The following UPF2 variants were observed in gnomAD, a reference collection of about 807,000 sequenced individuals.
UPF2 encodes the protein UPF2 regulator of nonsense mediated mRNA decay.
UPF2 carries 17 observed loss-of-function variants against 141.4 expected under a neutral mutation model. The ratio of observed to expected loss-of-function variants is 0.12; its 90% CI spans 0.08 to 0.18. The LOEUF (loss-of-function observed/expected upper bound fraction) is 0.18, where lower values mean the gene tolerates loss of function less well. Ranked by LOEUF, UPF2 falls within the 10% of genes least tolerant of loss-of-function variation. The probability of loss-of-function intolerance (pLI) is 1.00; values close to 1 mark genes in which losing one functional copy is unlikely to be tolerated. For missense variants in UPF2, 1,152 were observed against 1,515.9 expected (o/e 0.76, Z 3.99); for synonymous variants, 540 against 498.0 (o/e 1.08, Z -1.12).
intron 8 of UPF2, among the ~76,000 whole-genome samples, chr10:11,996,270 A>T (rs947467274): frequency 6.6e-6 from 1 of 152,180 alleles, no homozygotes. Context: ...GCAAGTATAT[A>T]AGACTACGAG....
rs1379494624 is a variant in UPF2 at position 11,940,982 on chromosome 10, C to T, written c.3378+1683G>A. Reference sequence around the variant, plus strand: ...ACTTTGCCCTGTTTGAAATTCATGACCTCAGAGACTTCTTCCCCACTATCC... The same window carrying T: ...ACTTTGCCCTGTTTGAAATTCATGATCTCAGAGACTTCTTCCCCACTATCC... On this transcript the variant is annotated intron_variant, in intron 18 of 21. Coordinates refer to ENST00000357604, the MANE Select transcript of UPF2 (RefSeq NM_015542.4). This position sits in a 1 kb window ranked among gnomAD's most constrained non-coding sequence, Gnocchi z 4.2. Among the ~76,000 whole-genome samples the T allele has an allele frequency of 6.6e-6, 1 of 152,138 alleles. No homozygotes were observed. Among genetic ancestry groups the T allele is most frequent in the Non-Finnish European group, 1.5e-5 (1 of 68,022 alleles).
intron 4 of UPF2, among the ~76,000 whole-genome samples, chr10:12,005,051 T>C (rs1316310001): frequency 2.6e-5 from 4 of 151,698 alleles, no homozygotes; most frequent in African/African-American, 7.3e-5. Flanking sequence ...AAAAATAAAA[T>C]ATATAAGCCT....
Position 12,007,947 on chromosome 10 carries a change from A to G in UPF2, c.1307-3220T>C, listed in dbSNP as rs576919061. On this transcript the variant is annotated intron_variant, in intron 4 of 21. Transcript: ENST00000357604. Reference sequence around the variant, plus strand: ...GCTCTGTCACCCAGGCTGGAGTGCAATCTCAGCTCACTGCAACCTCTGCCT... The same window carrying G: ...GCTCTGTCACCCAGGCTGGAGTGCAGTCTCAGCTCACTGCAACCTCTGCCT... 1.1e-4 allele frequency among the ~76,000 whole-genome samples: 17 copies of G among 150,998 alleles called. No individual in the cohort carries two copies. The South Asian group carries it at 3.4e-3, about 30-fold the overall frequency.
chr10:11,989,023 A>G (rs1481823302), intron 8 of UPF2, among the ~76,000 whole-genome samples: 1 of 152,210 alleles, frequency 6.6e-6, no homozygotes, highest in Non-Finnish European at 1.5e-5. Context: ...TAGGGTAGAA[A>G]TGCACCTGGA....
intron 9 of UPF2, among the ~76,000 whole-genome samples, chr10:11,976,439 G>A (rs539038851): frequency 2.6e-5 from 4 of 152,284 alleles, no homozygotes; most frequent in Admixed American, 6.5e-5. Flanking sequence ...AGGTGCAAAA[G>A]TAGAGGTATT....
At chr10:11,958,399 G>A (rs1833188325) in intron 12 of UPF2, among the ~76,000 whole-genome samples, 1 of 152,068 alleles carries the variant, frequency 6.6e-6, no homozygotes, top group South Asian at 2.1e-4. Context: ...ACATGATTCT[G>A]ACATTTCCAA....
chr10:12,008,647 A>G (rs547280856), intron 4 of UPF2, among the ~76,000 whole-genome samples: 145 of 151,894 alleles, frequency 9.5e-4, no homozygotes, highest in South Asian at 7.7e-3. Flanking sequence ...AAAAAAAAAA[A>G]AAAAGAAACA....
At chr10:11,951,214 C>A (rs1833070647) in intron 15 of UPF2, among the ~76,000 whole-genome samples, 1 of 152,012 alleles carries the variant, frequency 6.6e-6, no homozygotes, top group African/African-American at 2.4e-5. Context: ...AGGTGTGCGC[C>A]AACATTCCTG....
chr10:12,007,959 T>C (rs1238591838), intron 4 of UPF2, among the ~76,000 whole-genome samples: 1 of 151,558 alleles, frequency 6.6e-6, no homozygotes, highest in African/African-American at 2.4e-5. Flanking sequence ...CTCAGCTCAC[T>C]GCAACCTCTG....
At chr10:11,972,833 A>G (rs958941714) in intron 9 of UPF2, among the ~76,000 whole-genome samples, 5 of 152,164 alleles carry the variant, frequency 3.3e-5, no homozygotes, top group Non-Finnish European at 7.3e-5. Context: ...GAATAGTGCC[A>G]CAATAAGCAT....
Position 11,948,444 on chromosome 10 carries a change from T to C in UPF2, c.3099A>G (p.Glu1033=). 2 of 1,612,890 alleles carry C rather than the reference T, an allele frequency of 1.2e-6. No individual in the cohort carries two copies. Among genetic ancestry groups the C allele is most frequent in the Non-Finnish European group, 1.7e-6 (2 of 1,179,630 alleles). ...MTEGENLEED[E]EEEEGGAETE... ...TTTCAGCCCCACCTTCTTCTTCTTC[T>C]TCATCCTCTTCAAGATTTTCTCCTT... Residue 1033 remains glutamate (E), a synonymous_variant, in exon 16 of 22, where the codon GAA becomes GAG. Coordinates refer to ENST00000357604, the MANE Select transcript of UPF2 (RefSeq NM_015542.4).
chr10:11,969,098 G>T (rs138296404), intron 9 of UPF2, among the ~76,000 whole-genome samples: 1 of 151,656 alleles, frequency 6.6e-6, no homozygotes, highest in East Asian at 1.9e-4. Context: ...CTGGCCTCAA[G>T]TGATCCATCC....
chr10:12,039,622 CTTTTTTT>C lies in UPF2; in HGVS notation c.-19+3126_-19+3132del, dbSNP rs747946922. On this transcript the variant is annotated intron_variant, in intron 1 of 21. Transcript: ENST00000357604. Reference sequence around the variant, plus strand: ...CTTACAATTATGTCTCTCTCTCTCTCTTTTTTTTTTTTTTTTTGAGATGGAGTCTCAC... The same window carrying C: ...CTTACAATTATGTCTCTCTCTCTCTCTTTTTTTTTTGAGATGGAGTCTCAC... Among the ~76,000 whole-genome samples the C allele has an allele frequency of 2.1e-5, 3 of 140,814 alleles. No homozygotes were observed. In the South Asian group the frequency reaches 6.7e-4, roughly 31 times the overall value. 92.4% of individuals were successfully genotyped at this position (140,814 alleles called of 152,430 possible).
At chr10:12,037,149 A>G (rs936733485) in intron 1 of UPF2, among the ~76,000 whole-genome samples, 1 of 152,176 alleles carries the variant, frequency 6.6e-6, no homozygotes, top group Non-Finnish European at 1.5e-5. Flanking sequence ...CAGTGGCACA[A>G]TCACAGCTCA....
At chr10:12,032,311 A>G (rs76751628) in intron 2 of UPF2, among the ~76,000 whole-genome samples, 14 of 126,376 alleles carry the variant, frequency 1.1e-4, no homozygotes, top group African/African-American at 3.1e-4. Flanking sequence ...AAAAAAAAAA[A>G]GAAAGAAAAG....
chr10:11,990,396 G>A (rs573081507), intron 8 of UPF2, among the ~76,000 whole-genome samples: 6 of 152,284 alleles, frequency 3.9e-5, no homozygotes, highest in African/African-American at 1.4e-4. Context: ...GGCCCCCAAA[G>A]CAACCAACAT....
intron 8 of UPF2, among the ~76,000 whole-genome samples, chr10:11,989,054 C>T (rs1833739563): frequency 6.6e-6 from 1 of 152,132 alleles, no homozygotes; most frequent in African/African-American, 2.4e-5. Flanking sequence ...AAAATAAGAC[C>T]TTCAAAATGA....
At chr10:12,017,730 C>T (rs911965307) in intron 3 of UPF2, among the ~76,000 whole-genome samples, 1 of 152,040 alleles carries the variant, frequency 6.6e-6, no homozygotes, top group Admixed American at 6.6e-5. Flanking sequence ...GCTCCATAAG[C>T]CTTTTACTCC....
chr10:12,006,129 C>T (rs1834031645), intron 4 of UPF2, among the ~76,000 whole-genome samples: 1 of 152,216 alleles, frequency 6.6e-6, no homozygotes, highest in African/African-American at 2.4e-5. Flanking sequence ...ATCCACCTGC[C>T]TCAGCCTCTC....
Sources: allele counts gnomAD v4.1 joint callset (sites outside exome capture counted in the v4.1 genomes callset), GRCh38; gene constraint gnomAD v4.1.1; non-coding constraint Gnocchi (gnomAD v3.1); transcripts MANE v1.5; gene names NCBI Gene and HGNC (gene_info 2026-07-23, HGNC 2026-07-21).